Variants in MAP2K5 observed in about 807,000 individuals in gnomAD.
MAP2K5 encodes mitogen-activated protein kinase kinase 5, also known as dual specificity mitogen-activated protein kinase kinase 5.
Under a neutral mutation model 83.1 loss-of-function variants are expected in MAP2K5, and 49 were observed. That is an observed-to-expected ratio of 0.59 (90% CI 0.47 to 0.75). MAP2K5 has a LOEUF of 0.75. Ranked by LOEUF, MAP2K5 falls within the 30% of genes least tolerant of loss-of-function variation. The pLI is 0.00. For missense variants in MAP2K5, 457 were observed against 557.5 expected (o/e 0.82, Z 1.82); for synonymous variants, 202 against 191.8 (o/e 1.05, Z -0.44).
chr15:67,603,155 G>A (rs1373744835), intron 8 of MAP2K5, among the ~76,000 whole-genome samples: 1 of 152,138 alleles, frequency 6.6e-6, no homozygotes, highest in African/African-American at 2.4e-5. Context: ...CACATTGTTG[G>A]CAACTGTTAA....
At chr15:67,763,686 A>C (rs2089993302) in intron 19 of MAP2K5, among the ~76,000 whole-genome samples, 1 of 151,728 alleles carries the variant, frequency 6.6e-6, no homozygotes, top group African/African-American at 2.4e-5. Flanking sequence ...CTCCCCAAGC[A>C]AGTACAGATT....
At chr15:67,689,263 C>A (rs1464754813) in intron 13 of MAP2K5, among the ~76,000 whole-genome samples, 1 of 152,148 alleles carries the variant, frequency 6.6e-6, no homozygotes, top group Admixed American at 6.5e-5. Context: ...ATACATAAAT[C>A]ATATGCTTTG....
intron 19 of MAP2K5, among the ~76,000 whole-genome samples, chr15:67,751,378 G>A (rs1283371719): frequency 1.3e-5 from 2 of 152,156 alleles, no homozygotes; most frequent in Admixed American, 6.5e-5. Context: ...ACAGCTTGAA[G>A]ACATCATCTG....
Position 67,610,190 on chromosome 15 carries a change from G to A in MAP2K5, c.545+9441G>A, listed in dbSNP as rs188091957. 1.5e-4 allele frequency among the ~76,000 whole-genome samples: 23 copies of A among 152,248 alleles called. No individual in the cohort carries two copies. The East Asian group carries it at 2.7e-3, about 18-fold the overall frequency. Reference sequence around the variant, plus strand: ...TTTGGATGTAAGATATAAAATTAGTGTATAAATTTGAAAGTCAATGATGTA... The same window carrying A: ...TTTGGATGTAAGATATAAAATTAGTATATAAATTTGAAAGTCAATGATGTA... On this transcript the variant is annotated intron_variant, in intron 8 of 21. Transcript: ENST00000178640.
intron 17 of MAP2K5, among the ~76,000 whole-genome samples, chr15:67,745,643 A>C (rs561349090): frequency 6.6e-6 from 1 of 152,258 alleles, no homozygotes; most frequent in African/African-American, 2.4e-5. Flanking sequence ...GGTGGAATTA[A>C]CAGAGGAACA....
intron 3 of MAP2K5, among the ~76,000 whole-genome samples, chr15:67,569,728 G>T (rs2084913045): frequency 6.6e-6 from 1 of 152,136 alleles, no homozygotes. Flanking sequence ...AGCACGAGTA[G>T]GCCTCAGTCT....
At chr15:67,655,386 G>A (rs2087045696) in intron 11 of MAP2K5, among the ~76,000 whole-genome samples, 1 of 152,124 alleles carries the variant, frequency 6.6e-6, no homozygotes, top group East Asian at 1.9e-4. Context: ...TTCTTGTAGG[G>A]TAGGTTAACT....
intron 8 of MAP2K5, among the ~76,000 whole-genome samples, chr15:67,624,303 CA>C (rs2086260108): frequency 6.8e-6 from 1 of 146,602 alleles, no homozygotes; most frequent in African/African-American, 2.5e-5. Context: ...CGCGCTGCTG[CA>C]CTCCAGCCTG....
At chr15:67,710,543 AC>A (rs1411730844) in intron 16 of MAP2K5, among the ~76,000 whole-genome samples, 1 of 126,308 alleles carries the variant, frequency 7.9e-6, no homozygotes, top group Non-Finnish European at 1.6e-5. Flanking sequence ...TCGCTCTGTC[AC>A]CCAGGCTGGA....
chr15:67,800,753 T>G (rs934564980), intron 21 of MAP2K5, among the ~76,000 whole-genome samples: 1 of 152,180 alleles, frequency 6.6e-6, no homozygotes, highest in Non-Finnish European at 1.5e-5. Context: ...TACCTGGGCT[T>G]TGGTGCACTC....
At chr15:67,549,654 C>T (rs1391277448) in intron 1 of MAP2K5, among the ~76,000 whole-genome samples, 1 of 152,122 alleles carries the variant, frequency 6.6e-6, no homozygotes, top group African/African-American at 2.4e-5. Flanking sequence ...ATTTTTTTCC[C>T]AGAGATTCAG....
Position 67,769,684 on chromosome 15 carries a change from G to T in MAP2K5, c.1196+21G>T. ...CAGTGGTGAGCCCGTTTACAAACAT[G>T]CCATGCCCTCAATGTAAATGATACA... is the stretch of plus-strand genomic sequence containing the variant. On this transcript the variant is annotated intron_variant, in intron 20 of 21. Transcript: ENST00000178640. This position sits in a 1 kb window ranked among gnomAD's most constrained non-coding sequence, Gnocchi z 5.2. The T allele has an allele frequency of 1.2e-6, 2 of 1,612,388 alleles. No homozygotes were observed. The highest frequency in any genetic ancestry group is 1.1e-5 in the South Asian group (1 of 90,978).
chr15:67,590,706 G>A (rs535688458), intron 6 of MAP2K5, among the ~76,000 whole-genome samples: 19 of 152,072 alleles, frequency 1.2e-4, no homozygotes, highest in African/African-American at 1.9e-4. Flanking sequence ...CTCCTTCCTT[G>A]GCATCCCAAA....
In MAP2K5 at chr15:67,666,638, T is replaced by G. The variant is rs946799719; in HGVS notation, c.847+1993T>G. ...TTTTTCGTTAGTGACGGACAAGGGC[T>G]GCAGTGGTTTGACTGATGGAGAGCA... On this transcript the variant is annotated intron_variant, in intron 13 of 21. Transcript: ENST00000178640. 3.3e-5 allele frequency among the ~76,000 whole-genome samples: 5 copies of G among 152,284 alleles called. No individual in the cohort carries two copies. The South Asian group carries it at 6.2e-4, about 19-fold the overall frequency.
At chr15:67,564,888 G>T (rs896584143) in intron 3 of MAP2K5, among the ~76,000 whole-genome samples, 2 of 152,164 alleles carry the variant, frequency 1.3e-5, no homozygotes, top group Non-Finnish European at 2.9e-5. Flanking sequence ...ATGTACTTTT[G>T]GGTATGATCT....
At chr15:67,704,766 G>A (rs2088509431) in intron 16 of MAP2K5, among the ~76,000 whole-genome samples, 1 of 152,208 alleles carries the variant, frequency 6.6e-6, no homozygotes, top group Non-Finnish European at 1.5e-5. Flanking sequence ...GGGGAAACTA[G>A]TGTTTTTGAT....
chr15:67,716,319 A>G (rs138555086), intron 16 of MAP2K5, among the ~76,000 whole-genome samples: 6 of 152,262 alleles, frequency 3.9e-5, no homozygotes, highest in Non-Finnish European at 8.8e-5. Context: ...CCAGCAACCG[A>G]GCAAGACTCT....
At position 67,665,585 on chromosome 15, in the gene MAP2K5, TTTG is replaced by T. The variant is rs1440113328; in HGVS notation, c.847+942_847+944del. Among the ~76,000 whole-genome samples, 1 of 152,218 alleles carries T rather than the reference TTTG, an allele frequency of 6.6e-6. No individual in the cohort carries two copies. The highest frequency in any genetic ancestry group is 1.5e-5 in the Non-Finnish European group (1 of 68,034). On this transcript the variant is annotated intron_variant, in intron 13 of 21. Coordinates refer to ENST00000178640, the MANE Select transcript of MAP2K5 (RefSeq NM_145160.3). This position sits in a 1 kb window ranked among gnomAD's most constrained non-coding sequence, Gnocchi z 4.2. Reference sequence around the variant, plus strand: ...TATCTGTCACTAAGGGTTGTTTTCTTTTGTGGTGGTTTTAATATCCTAGTGATT... The same window carrying T: ...TATCTGTCACTAAGGGTTGTTTTCTTTGGTGGTTTTAATATCCTAGTGATT...
Position 67,587,958 on chromosome 15 carries a change from C to A in MAP2K5, c.431+1045C>A. On this transcript the variant is annotated intron_variant, in intron 6 of 21. Transcript: ENST00000178640. The surrounding 1 kb of genome is among the most constrained non-coding windows in gnomAD (Gnocchi z 4.8). ...TGTGGGTGGTTCCAGCTCTCCAGAT[C>A]ACTGCCACAGCCTCCTGAGAGTCTA... 1 of 220,696 alleles carries A rather than the reference C, an allele frequency of 4.5e-6. No homozygotes were observed. Among genetic ancestry groups the A allele is most frequent in the Non-Finnish European group, 7.7e-6 (1 of 130,696 alleles). The allele number at this position is 220,696 out of a possible 1,614,324, so 13.7% of individuals were successfully genotyped here.
Sources: allele counts gnomAD v4.1 joint callset (sites outside exome capture counted in the v4.1 genomes callset), GRCh38; gene constraint gnomAD v4.1.1; non-coding constraint Gnocchi (gnomAD v3.1); transcripts MANE v1.5; gene names NCBI Gene and HGNC (gene_info 2026-07-23, HGNC 2026-07-21).